The following SLC30A9 variants were observed in gnomAD, a reference collection of about 807,000 sequenced individuals.
SLC30A9 encodes proton-coupled zinc antiporter SLC30A9, mitochondrial.
A neutral mutation model predicts 87.5 loss-of-function variants in SLC30A9; 58 were observed. That is an observed-to-expected ratio of 0.66 (90% CI 0.54 to 0.82). The LOEUF is 0.82. SLC30A9 is among the 40% of genes least tolerant of loss of function. SLC30A9 has a pLI of 0.00. For missense variants in SLC30A9, 557 were observed against 679.1 expected (o/e 0.82, Z 2.00); for synonymous variants, 234 against 233.0 (o/e 1.00, Z -0.04).
chr4:42,036,213 T>C (rs1716671427), intron 7 of SLC30A9, among the ~76,000 whole-genome samples: 1 of 152,240 alleles, frequency 6.6e-6, no homozygotes, highest in South Asian at 2.1e-4. Context: ...TCTTCAGCTG[T>C]TGACTTTGCT....
chr4:42,068,199 T>G (rs1412726017), intron 14 of SLC30A9, among the ~76,000 whole-genome samples: 1 of 152,164 alleles, frequency 6.6e-6, no homozygotes, highest in Non-Finnish European at 1.5e-5. Context: ...GTCTTAGAAG[T>G]TGAGTGATGT....
At chr4:42,040,032 A>G (rs1321536506) in intron 8 of SLC30A9, among the ~76,000 whole-genome samples, 1 of 152,224 alleles carries the variant, frequency 6.6e-6, no homozygotes, top group Non-Finnish European at 1.5e-5. Context: ...TCATAACTAC[A>G]ATAGTGGTGG....
At chr4:42,053,695 CAAAAAAAAAAAAAA>C (rs56190460) in intron 9 of SLC30A9, among the ~76,000 whole-genome samples, 12 of 55,922 alleles carry the variant, frequency 2.1e-4, no homozygotes, top group African/African-American at 3.8e-4. Context: ...ACTCGGTCTC[CAAAAAAAAAAAAAA>C]AAAAAAAAAA....
chr4:42,060,704 A>G (rs1266310212), intron 10 of SLC30A9, among the ~76,000 whole-genome samples: 1 of 152,166 alleles, frequency 6.6e-6, no homozygotes, highest in Non-Finnish European at 1.5e-5. Context: ...AAATGAGTAT[A>G]CTTTTTAGAA....
chr4:42,029,827 A>G, intron 6 of SLC30A9: 1 of 725,210 alleles, frequency 1.4e-6, no homozygotes, highest in East Asian at 2.6e-5. Flanking sequence ...ATGAAGTATA[A>G]CGCATCTGTG....
chr4:42,086,242 T>G lies in SLC30A9; in HGVS notation c.*116T>G, dbSNP rs1363021840. 1 of 531,830 alleles carries G rather than the reference T, an allele frequency of 1.9e-6. No individual in the cohort carries two copies. Among genetic ancestry groups the G allele is most frequent in the East Asian group, 3.5e-5 (1 of 28,418 alleles). 32.9% of individuals were successfully genotyped at this position (531,830 alleles called of 1,614,324 possible). ...CTCAGTGCCATGCAGAAGCCTTTTTTTTAAGATGAAGGAAATATTTTATGT... is the reference window on the plus strand; with the variant it reads ...CTCAGTGCCATGCAGAAGCCTTTTTGTTAAGATGAAGGAAATATTTTATGT... On this transcript the variant is annotated 3_prime_UTR_variant, in exon 18 of 18. Transcript: ENST00000264451.
chr4:42,035,607 C>T (rs573387115), intron 7 of SLC30A9, among the ~76,000 whole-genome samples: 1 of 151,742 alleles, frequency 6.6e-6, no homozygotes, highest in African/African-American at 2.4e-5. Context: ...GAGCAATTCT[C>T]CTGCCTCAGC....
intron 15 of SLC30A9, among the ~76,000 whole-genome samples, chr4:42,071,841 T>C (rs1410193679): frequency 1.3e-5 from 2 of 152,226 alleles, no homozygotes; most frequent in Non-Finnish European, 2.9e-5. Context: ...GGAAATGTTC[T>C]CTCCTATTTT....
chr4:42,016,794 GGTCTATCT>G (rs1171601188), intron 2 of SLC30A9, among the ~76,000 whole-genome samples: 1 of 11,594 alleles, frequency 8.6e-5, no homozygotes, highest in Non-Finnish European at 4.5e-4. Context: ...AATATAACAT[GGTCTATCT>G]ATCTATCTAT....
intron 1 of SLC30A9, among the ~76,000 whole-genome samples, chr4:41,992,793 G>T (rs1185645907): frequency 6.6e-6 from 1 of 152,066 alleles, no homozygotes; most frequent in Admixed American, 6.5e-5. Flanking sequence ...CATTATTATG[G>T]CAAAATTTAA....
intron 10 of SLC30A9, among the ~76,000 whole-genome samples, chr4:42,062,622 C>T (rs1289206522): frequency 2.0e-5 from 3 of 152,094 alleles, no homozygotes; most frequent in Non-Finnish European, 2.9e-5. Flanking sequence ...TTAGAAGCTG[C>T]ATTACAAGGA....
chr4:41,997,064 A>AT (rs71198697), intron 1 of SLC30A9, among the ~76,000 whole-genome samples: 43 of 151,232 alleles, frequency 2.8e-4, no homozygotes, highest in Admixed American at 1.1e-3. Flanking sequence ...AAATAAATAA[A>AT]AATGAAAAAG....
chr4:42,084,004 GC>G (rs2153141702), intron 17 of SLC30A9, among the ~76,000 whole-genome samples: 1 of 152,228 alleles, frequency 6.6e-6, no homozygotes, highest in East Asian at 1.9e-4. Flanking sequence ...CCAATATTCT[GC>G]CAGATTTTGT....
At chr4:42,080,951 C>G (rs1309800912) in intron 17 of SLC30A9, among the ~76,000 whole-genome samples, 2 of 152,168 alleles carry the variant, frequency 1.3e-5, no homozygotes, top group African/African-American at 4.8e-5. Flanking sequence ...TGGGTACACT[C>G]TCAGGCTGAT....
intron 14 of SLC30A9, among the ~76,000 whole-genome samples, chr4:42,068,549 C>T (rs1282331185): frequency 6.6e-6 from 1 of 152,152 alleles, no homozygotes; most frequent in Non-Finnish European, 1.5e-5. Flanking sequence ...CCGGCCGGAA[C>T]TTAACTCTTG....
rs1719054942 is a variant in SLC30A9, at chr4:42,090,366, T to G, written c.*4240T>G. On this transcript the variant is annotated 3_prime_UTR_variant, in exon 18 of 18. Transcript: ENST00000264451. ...AAAATTTTTATTCGTTATATTGTATTTCATCTGTCTGATTTCCCTGGCACA... is the reference window on the plus strand; with the variant it reads ...AAAATTTTTATTCGTTATATTGTATGTCATCTGTCTGATTTCCCTGGCACA... The G allele has an allele frequency of 6.6e-6, 1 of 152,210 alleles. No homozygotes were observed. Among genetic ancestry groups the G allele is most frequent in the South Asian group, 2.1e-4 (1 of 4,830 alleles). The allele number at this position is 152,210 out of a possible 1,614,324, so 9.4% of individuals were successfully genotyped here. A position where few individuals can be genotyped will look rare whatever the true frequency, so the allele number is the denominator to read the frequency against.
At chr4:41,999,682 TAA>T (rs879818421) in intron 1 of SLC30A9, among the ~76,000 whole-genome samples, 4 of 142,860 alleles carry the variant, frequency 2.8e-5, no homozygotes, top group African/African-American at 5.1e-5. Flanking sequence ...AAATTGCAGT[TAA>T]AAAAAAAAAA....
chr4:42,025,028 A>G (rs959238034), intron 6 of SLC30A9, among the ~76,000 whole-genome samples: 9 of 152,166 alleles, frequency 5.9e-5, no homozygotes, highest in Non-Finnish European at 1.0e-4. Flanking sequence ...TAGTAGGGAA[A>G]TTTCAAACAT....
intron 6 of SLC30A9, among the ~76,000 whole-genome samples, chr4:42,034,833 G>A (rs11733887): frequency 0.65 from 98,935 of 151,596 alleles, 36,425 homozygotes; most frequent in East Asian, 0.96. Flanking sequence ...CTATGTTACA[G>A]TTTTTTTTAG....
Sources: gnomAD v4.1 joint callset for allele counts (sites outside exome capture counted in the v4.1 genomes callset) on GRCh38, gnomAD v4.1.1 for gene constraint, MANE v1.5 for transcripts, NCBI Gene and HGNC (gene_info 2026-07-23, HGNC 2026-07-21) for gene names.